BCHE: variants seen among roughly 807,000 people sequenced by gnomAD.
BCHE encodes the protein cholinesterase.
A neutral mutation model predicts 51.3 loss-of-function variants in BCHE; 48 were observed. The ratio of observed to expected loss-of-function variants is 0.94; its 90% CI spans 0.74 to 1.19. The LOEUF is 1.19. Among genes scored for constraint, BCHE ranks in the 50% most tolerant of loss-of-function variants. The probability of loss-of-function intolerance (pLI) is 0.00; values close to 1 mark genes in which losing one functional copy is unlikely to be tolerated. For missense variants in BCHE, 847 were observed against 708.2 expected (o/e 1.20, Z -2.23); for synonymous variants, 251 against 238.0 (o/e 1.05, Z -0.50).
chr3:165,819,228 A>G (rs1714424228), intron 2 of BCHE, among the ~76,000 whole-genome samples: 2 of 149,246 alleles, frequency 1.3e-5, no homozygotes, highest in African/African-American at 2.5e-5. Flanking sequence ...AAAAGCGTGC[A>G]CCACCACACC....
intron 2 of BCHE, among the ~76,000 whole-genome samples, chr3:165,809,659 G>A (rs1369452837): frequency 6.6e-6 from 1 of 151,992 alleles, no homozygotes; most frequent in East Asian, 1.9e-4. Context: ...TGTTTGTGAG[G>A]TATATTTTAC....
chr3:165,816,346 A>T (rs758737240), intron 2 of BCHE, among the ~76,000 whole-genome samples: 1 of 152,066 alleles, frequency 6.6e-6, no homozygotes, highest in Non-Finnish European at 1.5e-5. Context: ...ATTAATCATT[A>T]TAATCACTGT....
intron 2 of BCHE, among the ~76,000 whole-genome samples, chr3:165,820,799 C>T: frequency 6.6e-6 from 1 of 151,976 alleles, no homozygotes; most frequent in East Asian, 1.9e-4. Context: ...CTGCCCTTAC[C>T]TCTATAACAT....
chr3:165,789,038 AT>A (rs995800086), intron 2 of BCHE, among the ~76,000 whole-genome samples: 23 of 152,214 alleles, frequency 1.5e-4, no homozygotes, highest in Admixed American at 1.0e-3. Flanking sequence ...AACACTACAT[AT>A]TTTTTATTTC....
rs527712199 is a variant in BCHE at position 165,781,099 on chromosome 3, G to A, written c.1684+5046C>T. The stretch of plus-strand genomic sequence containing the variant: ...TATACTAAAAATACAAAATTAGCCA[G>A]GCGTGGTGGCATATGCTTGTAATCC... On this transcript the variant is annotated intron_variant, in intron 3 of 3. Transcript: ENST00000264381. Among the ~76,000 whole-genome samples the A allele has an allele frequency of 1.4e-4, 22 of 152,090 alleles. No homozygotes were observed. The East Asian group carries it at 3.9e-3, about 27-fold the overall frequency.
intron 2 of BCHE, among the ~76,000 whole-genome samples, chr3:165,824,507 T>G (rs914152887): frequency 6.6e-6 from 1 of 152,042 alleles, no homozygotes; most frequent in Non-Finnish European, 1.5e-5. Flanking sequence ...ATGCTCCACA[T>G]CTATTATTTA....
intron 1 of BCHE, among the ~76,000 whole-genome samples, chr3:165,833,544 A>G (rs1715067501): frequency 1.3e-5 from 2 of 152,200 alleles, no homozygotes; most frequent in Admixed American, 1.3e-4. Context: ...TAAGACCACC[A>G]TTATTGATTG....
intron 2 of BCHE, among the ~76,000 whole-genome samples, chr3:165,801,908 T>C (rs768424063): frequency 6.6e-6 from 1 of 152,184 alleles, no homozygotes; most frequent in Non-Finnish European, 1.5e-5. Flanking sequence ...ATCCACAATA[T>C]CTTGCTGGGG....
intron 2 of BCHE, among the ~76,000 whole-genome samples, chr3:165,813,979 A>C (rs1009853660): frequency 6.6e-5 from 10 of 151,980 alleles, no homozygotes; most frequent in Admixed American, 6.6e-4. Flanking sequence ...CAAGATTAGG[A>C]TTTGTACATC....
At chr3:165,816,363 C>G (rs1407030351) in intron 2 of BCHE, among the ~76,000 whole-genome samples, 2 of 151,856 alleles carry the variant, frequency 1.3e-5, no homozygotes, top group Non-Finnish European at 2.9e-5. Flanking sequence ...CTGTACCATT[C>G]CCATCAGTTC....
intron 2 of BCHE, among the ~76,000 whole-genome samples, chr3:165,826,171 C>T (rs144435577): frequency 1.3e-5 from 2 of 152,066 alleles, no homozygotes; most frequent in African/African-American, 2.4e-5. Context: ...AGAAAAAAAA[C>T]ATCTTCTACA....
chr3:165,783,226 A>T (rs1314728462), intron 3 of BCHE, among the ~76,000 whole-genome samples: 2 of 152,100 alleles, frequency 1.3e-5, no homozygotes, highest in African/African-American at 2.4e-5. Flanking sequence ...ATATTTCTTT[A>T]TGCAATAAAT....
At chr3:165,810,423 G>T (rs1271195293) in intron 2 of BCHE, among the ~76,000 whole-genome samples, 1 of 152,162 alleles carries the variant, frequency 6.6e-6, no homozygotes, top group Non-Finnish European at 1.5e-5. Context: ...CTTCCTGTGT[G>T]TGCAGATAGG....
At chr3:165,791,790 T>G (rs1713177578) in intron 2 of BCHE, among the ~76,000 whole-genome samples, 1 of 151,690 alleles carries the variant, frequency 6.6e-6, no homozygotes, top group Non-Finnish European at 1.5e-5. Context: ...CCGTCTCTAC[T>G]GAAAATACAA....
Position 165,772,938 on chromosome 3 carries a change from A to C in BCHE, c.*444T>G, listed in dbSNP as rs1712308620. On this transcript the variant is annotated 3_prime_UTR_variant, in exon 4 of 4. Transcript: ENST00000264381. ...GTGCTTATTTTAATATCTCATATTGACATTCAATTCTTATTTTAATTAGGA... is the reference window on the plus strand; with the variant it reads ...GTGCTTATTTTAATATCTCATATTGCCATTCAATTCTTATTTTAATTAGGA... The C allele has an allele frequency of 6.5e-6, 1 of 152,754 alleles. No individual in the cohort carries two copies. Among genetic ancestry groups the C allele is most frequent in the Non-Finnish European group, 1.5e-5 (1 of 68,500 alleles). 9.5% of individuals were successfully genotyped at this position (152,754 alleles called of 1,614,324 possible).
chr3:165,825,521 G>A (rs1714686447), intron 2 of BCHE, among the ~76,000 whole-genome samples: 1 of 151,960 alleles, frequency 6.6e-6, no homozygotes. Context: ...TATAAACTGG[G>A]AGAAAATATT....
At chr3:165,813,166 C>T (rs1714171351) in intron 2 of BCHE, among the ~76,000 whole-genome samples, 2 of 151,656 alleles carry the variant, frequency 1.3e-5, no homozygotes, top group African/African-American at 4.8e-5. Flanking sequence ...ATAAACAGTG[C>T]TCTGAATCAT....
At chr3:165,795,133 T>C (rs1421968159) in intron 2 of BCHE, among the ~76,000 whole-genome samples, 2 of 152,240 alleles carry the variant, frequency 1.3e-5, no homozygotes, top group Non-Finnish European at 2.9e-5. Context: ...TCACATTTTC[T>C]CATGTGTTAA....
chr3:165,823,725 A>C (rs1714611649), intron 2 of BCHE, among the ~76,000 whole-genome samples: 1 of 152,090 alleles, frequency 6.6e-6, no homozygotes, highest in African/African-American at 2.4e-5. Flanking sequence ...AATGGTTTGC[A>C]AACTAAAAAA....
Sources: gnomAD v4.1 joint callset for allele counts (sites outside exome capture counted in the v4.1 genomes callset) on GRCh38, gnomAD v4.1.1 for gene constraint, MANE v1.5 for transcripts, NCBI Gene and HGNC (gene_info 2026-07-23, HGNC 2026-07-21) for gene names.